DDB1: variants seen among roughly 807,000 people sequenced by gnomAD.
The protein encoded by DDB1 is DNA damage-binding protein 1.
A neutral mutation model predicts 133.1 loss-of-function variants in DDB1; 18 were observed. The ratio of observed to expected loss-of-function variants is 0.14; its 90% CI spans 0.09 to 0.20. The LOEUF (loss-of-function observed/expected upper bound fraction) is 0.20. Among genes scored for constraint, DDB1 ranks in the 10% least tolerant of loss-of-function variants. The probability of loss-of-function intolerance (pLI) is 1.00; values close to 1 mark genes in which losing one functional copy is unlikely to be tolerated. For synonymous variants in DDB1, 580 were observed against 550.5 expected (o/e 1.05, Z -0.75); for missense variants, 828 against 1,459.2 (o/e 0.57, Z 7.05).
chr11:61,308,588 GA>G (rs1190747210), intron 21 of DDB1, among the ~76,000 whole-genome samples: 1 of 151,994 alleles, frequency 6.6e-6, no homozygotes, highest in Non-Finnish European at 1.5e-5. Flanking sequence ...AATAAAGATG[GA>G]AAAAAACTTT....
intron 10 of DDB1, among the ~76,000 whole-genome samples, chr11:61,317,708 G>C (rs1243217195): frequency 6.7e-6 from 1 of 149,844 alleles, no homozygotes; most frequent in Non-Finnish European, 1.5e-5. Flanking sequence ...GGATTTCACC[G>C]TGTTAGCCAG....
intron 21 of DDB1, among the ~76,000 whole-genome samples, chr11:61,305,439 G>A (rs183583820): frequency 5.2e-4 from 79 of 152,314 alleles, no homozygotes; most frequent in African/African-American, 1.6e-3. Flanking sequence ...CCAGGGAGTC[G>A]GAGGTTGCAG....
At position 61,313,855 on chromosome 11, in the gene DDB1, C is replaced by T. The variant is rs760694315; in HGVS notation, c.1861+7G>A. The T allele has an allele frequency of 1.3e-5, 21 of 1,613,868 alleles. No individual in the cohort carries two copies. The highest frequency in any genetic ancestry group is 6.7e-5 in the Admixed American group (4 of 59,992). ...AAAGAGTCCCTCACTCAAAATACTA[C>T]TCTCACCTGTCTCAATGTTGAGCCC... On this transcript the variant is annotated splice_region_variant and intron_variant, in intron 15 of 26. Transcript: ENST00000301764.
chr11:61,326,951 G>A, intron 4 of DDB1, 58 bp from the exon 5 acceptor site: 4 of 1,324,576 alleles, frequency 3.0e-6, no homozygotes, highest in East Asian at 4.6e-5. Flanking sequence ...GGGCTAGAGA[G>A]AGGTGCTGTA....
Position 61,333,054 on chromosome 11 carries a change from G to A in DDB1, c.-86C>T, listed in dbSNP as rs922231733. The A allele has an allele frequency of 3.9e-6, 5 of 1,296,794 alleles. No homozygotes were observed. The highest frequency in any genetic ancestry group is 5.1e-6 in the Non-Finnish European group (5 of 971,006). 80.3% of individuals were successfully genotyped at this position (1,296,794 alleles called of 1,614,324 possible). A position where few individuals can be genotyped will look rare whatever the true frequency, so the allele number is the denominator to read the frequency against. ...GAAAAGACAGGTGGCCCCCAACAGC[G>A]CGCAGCGAACTCCACTGCCGCTGCC... On this transcript the variant is annotated 5_prime_UTR_variant, in exon 1 of 27. Transcript: ENST00000301764.
intron 4 of DDB1, chr11:61,327,412 T>C: frequency 6.6e-6 from 1 of 152,578 alleles, no homozygotes; most frequent in Non-Finnish European, 1.4e-5. Flanking sequence ...AAGGTTGAGC[T>C]CCAGCCTGGG....
At position 61,314,729 on chromosome 11, in the gene DDB1, A is replaced by G. The variant is rs78349610; in HGVS notation, c.1411-243T>C. On this transcript the variant is annotated intron_variant, in intron 12 of 26. Transcript: ENST00000301764. ...CCTACAGCTGGTGGGGAAAAGGCCT[A>G]TTTCATTCTAATTGAGACTTACTTG... is the stretch of plus-strand genomic sequence containing the variant. 619 of 389,860 alleles carry G rather than the reference A, an allele frequency of 1.6e-3. 5 individuals carry two copies. The highest frequency in any genetic ancestry group is 0.012 in the African/African-American group (580 of 47,024). The allele number at this position is 389,860 out of a possible 1,614,324, so 24.2% of individuals were successfully genotyped here.
intron 10 of DDB1, among the ~76,000 whole-genome samples, chr11:61,319,946 T>C (rs1184208372): frequency 6.6e-6 from 1 of 152,262 alleles, no homozygotes; most frequent in Admixed American, 6.5e-5. Context: ...GTTTTCCTTG[T>C]ATAGGTTTTG....
intron 7 of DDB1, 142 bp downstream of exon 7, chr11:61,323,837 A>C: frequency 2.3e-6 from 2 of 868,574 alleles, no homozygotes; most frequent in Non-Finnish European, 3.7e-6. Context: ...CTCATTCAAC[A>C]GTCAACTTCC....
chr11:61,325,990 C>G (rs1856263553), intron 5 of DDB1: 1 of 498,764 alleles, frequency 2.0e-6, no homozygotes, highest in African/African-American at 1.9e-5. Context: ...TGCATTCTCC[C>G]CCATTTTTCT....
intron 12 of DDB1, chr11:61,315,612 ACT>A (rs2134914825): frequency 6.6e-6 from 1 of 152,326 alleles, no homozygotes; most frequent in African/African-American, 2.4e-5. Flanking sequence ...GGCAAGACAG[ACT>A]CTGGCCACAG....
chr11:61,301,237 C>T (rs949718560), intron 25 of DDB1: 3 of 274,910 alleles, frequency 1.1e-5, no homozygotes, highest in African/African-American at 6.7e-5. Context: ...AAAGCTGATG[C>T]ACAAGAACCA....
chr11:61,313,961 G>C lies in DDB1; in HGVS notation c.1762C>G (p.Pro588Ala). 4.3e-6 allele frequency: 7 copies of C among 1,614,198 alleles called. No individual in the cohort carries two copies. The highest frequency in any genetic ancestry group is 1.1e-5 in the South Asian group (1 of 91,082). ...AAGGTGGTCATCAGGATGGAGCGAG[G>C]AATGATCTCTGTGAGAAAGGGGGAC... ...HKEMLGGEIIPRSILMTTFES... is the reference protein window; with the variant it reads ...HKEMLGGEIIARSILMTTFES... The change falls in exon 15 of 27, where the codon CCT (proline) becomes GCT (alanine). Residue 588 changes from proline (P) to alanine (A), a missense_variant. This residue lies in a region of DDB1 where 396 missense variants were observed against 554.1 expected (regional missense o/e 0.71). Coordinates refer to ENST00000301764, the MANE Select transcript of DDB1 (RefSeq NM_001923.5).
At chr11:61,312,509 T>TA (rs1178459177) in intron 16 of DDB1, among the ~76,000 whole-genome samples, 1 of 148,324 alleles carries the variant, frequency 6.7e-6, no homozygotes, top group Non-Finnish European at 1.5e-5. Flanking sequence ...TCTCTCTCTT[T>TA]TTTTTTTTTT....
At chr11:61,332,766 T>TGG (rs1013182301) in intron 1 of DDB1, 142 bp downstream of exon 1, 34 of 659,464 alleles carry the variant, frequency 5.2e-5, no homozygotes, top group Non-Finnish European at 6.9e-5. Flanking sequence ...GTCGCGGTGC[T>TGG]GGGGGAGGTT....
chr11:61,332,557 C>A (rs1372185724), intron 1 of DDB1: 1 of 222,614 alleles, frequency 4.5e-6, no homozygotes, highest in Non-Finnish European at 8.8e-6. Flanking sequence ...ACCCCAAAGT[C>A]GTCATTACCA....
At position 61,302,716 on chromosome 11, in the gene DDB1, T is replaced by C. The variant is rs1243182116; in HGVS notation, c.2978A>G (p.Gln993Arg). The change falls in exon 24 of 27, where the codon CAG (glutamine) becomes CGG (arginine). Residue 993 changes from glutamine (Q) to arginine (R), a missense_variant. Physicochemically the swap from Gln to Arg is conservative, Grantham distance 43 (BLOSUM62 1). This residue lies in a region of DDB1 where 116 missense variants were observed against 221.6 expected (regional missense o/e 0.52). Transcript: ENST00000301764. ...GCCCAGGTGGAAAAGACCAACCTCC[T>C]GGAGGTGCTGCCGCTCCTCGTCAGT... Reference protein sequence around the residue: ...ATTDEERQHLQEVGLFHLGEF... With the variant: ...ATTDEERQHLREVGLFHLGEF... 1 of 1,614,186 alleles carries C rather than the reference T, an allele frequency of 6.2e-7. No homozygotes were observed.
chr11:61,316,328 T>G lies in DDB1; in HGVS notation c.1367A>C (p.Gln456Pro). 6.2e-7 allele frequency: 1 copy of G among 1,614,222 alleles called. No individual in the cohort carries two copies. Residue 456 changes from glutamine to proline, a missense_variant, in exon 12 of 27, where the codon CAG becomes CCG. By Grantham distance (76) the Gln-to-Pro change is moderately conservative. Transcript: ENST00000301764. ...AGCCACGTTGCCACAGAAGAAAGTC[T>G]GCTGATCATCCACGAAACCCATCAG... ...TELMGFVDDQ[Q>P]TFFCGNVAHQ...
intron 12 of DDB1, 111 bp from the exon 13 acceptor site, chr11:61,314,597 G>A (rs1856035378): frequency 1.8e-6 from 2 of 1,094,860 alleles, no homozygotes; most frequent in African/African-American, 1.6e-5. Flanking sequence ...AGCTACATGA[G>A]GCTTCTATTT....
Sources: allele counts gnomAD v4.1 joint callset (sites outside exome capture counted in the v4.1 genomes callset), GRCh38; gene constraint gnomAD v4.1.1; regional missense constraint gnomAD v4.1.1; transcripts MANE v1.5; gene names NCBI Gene and HGNC (gene_info 2026-07-23, HGNC 2026-07-21).